SLC12A2: variants seen among roughly 807,000 people sequenced by gnomAD.
SLC12A2 encodes Na-K-2Cl cotransporter 1.
In SLC12A2, 67 loss-of-function variants were observed where a neutral mutation model predicts 136.3. The ratio of observed to expected loss-of-function variants is 0.49; its 90% CI spans 0.40 to 0.60. The LOEUF (loss-of-function observed/expected upper bound fraction) is 0.60. SLC12A2 is among the 20% of genes least tolerant of loss of function. SLC12A2 has a pLI of 0.00. For missense variants in SLC12A2, 1,322 were observed against 1,534.7 expected, an observed-to-expected ratio of 0.86 and a Z score of 2.32; for synonymous variants, 619 against 562.9, an observed-to-expected ratio of 1.10 and a Z score of -1.41.
At chr5:128,182,998 T>C in intron 24 of SLC12A2, 57 bp downstream of exon 24, 2 of 1,039,376 alleles carry the variant, frequency 1.9e-6, no homozygotes, top group Non-Finnish European at 2.9e-6. Context: ...AGACACAGAT[T>C]CAACTTAATT....
intron 4 of SLC12A2, among the ~76,000 whole-genome samples, chr5:128,117,644 T>C (rs1038167780): frequency 3.3e-5 from 5 of 152,088 alleles, no homozygotes; most frequent in African/African-American, 1.2e-4. Flanking sequence ...TTGGAAAAAC[T>C]CTTCTAGGCA....
rs1273788054 is a variant in SLC12A2, at chr5:128,167,763, T to A, written c.2619T>A (p.Ala873=). Residue 873 remains alanine, a splice_region_variant and synonymous_variant, in exon 18 of 27, where the codon GCT becomes GCA. Transcript: ENST00000262461. ...GTTATATTGACCCTATATTTTAGGC[T>A]GCTGGTCTTGGTCGTATGAAGCCAA... is the stretch of plus-strand genomic sequence containing the variant. ...LREGAQYLMQ[A]AGLGRMKPNT... is the part of the protein sequence containing the mutation. The A allele has an allele frequency of 1.8e-5, 28 of 1,599,702 alleles. No homozygotes were observed. The highest frequency in any genetic ancestry group is 2.1e-5 in the Non-Finnish European group (25 of 1,173,476).
chr5:128,135,905 T>C, intron 7 of SLC12A2, 97 bp downstream of exon 7: 1 of 761,140 alleles, frequency 1.3e-6, no homozygotes, highest in African/African-American at 1.8e-5. Context: ...GTAACAGAAT[T>C]GACTATGGTT....
intron 4 of SLC12A2, among the ~76,000 whole-genome samples, chr5:128,118,084 A>G (rs577017377): frequency 2.0e-5 from 3 of 152,346 alleles, no homozygotes; most frequent in South Asian, 4.1e-4. Flanking sequence ...GTTGGTGTGG[A>G]TGTTATGAAA....
intron 1 of SLC12A2, among the ~76,000 whole-genome samples, chr5:128,102,786 T>A (rs1760793938): frequency 6.6e-6 from 1 of 151,232 alleles, no homozygotes; most frequent in Admixed American, 6.6e-5. Flanking sequence ...CTAACTTTTT[T>A]TTTTTTGTAT....
intron 5 of SLC12A2, among the ~76,000 whole-genome samples, chr5:128,133,633 G>C (rs1762096881): frequency 6.6e-6 from 1 of 151,898 alleles, no homozygotes. Flanking sequence ...AGTTAACTGG[G>C]ATATCATAAT....
chr5:128,138,997 T>C, intron 9 of SLC12A2, 89 bp downstream of exon 9: 1 of 885,176 alleles, frequency 1.1e-6, no homozygotes, highest in South Asian at 1.6e-5. Context: ...TGCTAACTTT[T>C]TTAAATACAG....
In SLC12A2 at chr5:128,105,293, G is replaced by A. The variant is rs188761158; in HGVS notation, c.757-7521G>A. ...TTAACACATATACACGATGTTTAGA[G>A]CTATGAGTCTGGTACGATAACCATG... On this transcript the variant is annotated intron_variant, in intron 1 of 26. Transcript: ENST00000262461. Among the ~76,000 whole-genome samples, 371 of 152,278 alleles carry A rather than the reference G, an allele frequency of 2.4e-3. 1 individual carries two copies. Among genetic ancestry groups the A allele is most frequent in the Non-Finnish European group, 3.7e-3 (250 of 68,020 alleles).
chr5:128,102,912 G>A (rs968772192), intron 1 of SLC12A2, among the ~76,000 whole-genome samples: 1 of 151,992 alleles, frequency 6.6e-6, no homozygotes, highest in Non-Finnish European at 1.5e-5. Context: ...ATGAGCCACT[G>A]TGCCCATCCC....
chr5:128,131,327 A>G, intron 5 of SLC12A2, 121 bp downstream of exon 5: 1 of 1,013,552 alleles, frequency 9.9e-7, no homozygotes, highest in Non-Finnish European at 1.5e-6. Flanking sequence ...GTCCTTCATA[A>G]AGTTTACTAC....
chr5:128,089,325 C>T (rs1760221677), intron 1 of SLC12A2, among the ~76,000 whole-genome samples: 1 of 152,090 alleles, frequency 6.6e-6, no homozygotes. Context: ...GAGTTTGAGA[C>T]TGTAGTGCAC....
At chr5:128,162,866 A>G (rs775597417) in intron 17 of SLC12A2, among the ~76,000 whole-genome samples, 2 of 152,228 alleles carry the variant, frequency 1.3e-5, no homozygotes, top group African/African-American at 2.4e-5. Context: ...CCCGTGGACT[A>G]CATATGGCCC....
At chr5:128,086,944 A>G (rs1362686760) in intron 1 of SLC12A2, among the ~76,000 whole-genome samples, 1 of 152,222 alleles carries the variant, frequency 6.6e-6, no homozygotes, top group Non-Finnish European at 1.5e-5. Context: ...ACCTAATTCT[A>G]GCAGTCGATT....
intron 1 of SLC12A2, among the ~76,000 whole-genome samples, chr5:128,091,518 G>A (rs1285726347): frequency 6.6e-6 from 1 of 152,172 alleles, no homozygotes; most frequent in Admixed American, 6.5e-5. Flanking sequence ...TCCACAAAGT[G>A]AAAGCCCACT....
chr5:128,130,285 C>A (rs1240940088), intron 4 of SLC12A2, among the ~76,000 whole-genome samples: 1 of 151,804 alleles, frequency 6.6e-6, no homozygotes, highest in African/African-American at 2.4e-5. Flanking sequence ...GTAATCCTAG[C>A]GCTTTGGGAA....
intron 15 of SLC12A2, among the ~76,000 whole-genome samples, chr5:128,155,097 G>A (rs947818835): frequency 6.6e-6 from 1 of 152,072 alleles, no homozygotes; most frequent in African/African-American, 2.4e-5. Context: ...CTGATAACCA[G>A]GACAGATGTT....
chr5:128,126,941 C>CATATATATATATATATATATATATATAT (rs1243756791), intron 4 of SLC12A2, among the ~76,000 whole-genome samples: 1 of 41,002 alleles, frequency 2.4e-5, no homozygotes, highest in African/African-American at 2.1e-4. Flanking sequence ...TCACAACCTA[C>CATATATATATATATATATATATATATAT]ATATATATAT....
chr5:128,143,348 A>G (rs1476936870), intron 10 of SLC12A2, among the ~76,000 whole-genome samples: 1 of 152,162 alleles, frequency 6.6e-6, no homozygotes, highest in East Asian at 1.9e-4. Flanking sequence ...AAAGTCATGC[A>G]GCATGAAATC....
In SLC12A2 at chr5:128,186,722, G is replaced by A; in HGVS notation, c.*91G>A. 1 of 1,297,834 alleles carries A rather than the reference G, an allele frequency of 7.7e-7. No homozygotes were observed. Among genetic ancestry groups the A allele is most frequent in the Non-Finnish European group, 1.1e-6 (1 of 930,278 alleles). The allele number at this position is 1,297,834 out of a possible 1,614,324, so 80.4% of individuals were successfully genotyped here. On this transcript the variant is annotated 3_prime_UTR_variant, in exon 27 of 27. Coordinates refer to ENST00000262461, the MANE Select transcript of SLC12A2 (RefSeq NM_001046.3). ...TCAATGACACATTAACATCACAATG[G>A]CGAATGGTGACTTTTCTTTCACGAT...
Sources: gnomAD v4.1 joint callset for allele counts (sites outside exome capture counted in the v4.1 genomes callset) on GRCh38, gnomAD v4.1.1 for gene constraint, MANE v1.5 for transcripts, NCBI Gene and HGNC (gene_info 2026-07-23, HGNC 2026-07-21) for gene names.